Variants in COL6A5 observed in about 807,000 individuals in gnomAD.
COL6A5 encodes collagen type VI alpha 5 chain, also known as collagen alpha-5(VI) chain.
A neutral mutation model predicts 65.6 loss-of-function variants in COL6A5; 48 were observed. That is an observed-to-expected ratio of 0.73 (90% CI 0.58 to 0.93). The LOEUF is 0.93. COL6A5 is among the 40% of genes least tolerant of loss of function. The pLI is 0.00. For synonymous variants in COL6A5, 291 were observed against 322.8 expected, an observed-to-expected ratio of 0.90 and a Z score of 1.05; for missense variants, 914 against 928.3, an observed-to-expected ratio of 0.98 and a Z score of 0.20.
chr3:130,358,147 C>T (rs564925182), intron 1 of COL6A5, among the ~76,000 whole-genome samples: 7 of 152,098 alleles, frequency 4.6e-5, no homozygotes, highest in African/African-American at 1.4e-4. Flanking sequence ...CGAGATTGCA[C>T]CACTGCACTC....
At chr3:130,449,709 C>T (rs1032782948) in intron 4 of COL6A5, among the ~76,000 whole-genome samples, 5 of 152,090 alleles carry the variant, frequency 3.3e-5, no homozygotes, top group African/African-American at 1.2e-4. Flanking sequence ...GCCTTTTCAC[C>T]GCCGGAGCCC....
intron 7 of COL6A5, 129 bp downstream of exon 39, chr3:130,471,096 G>C (rs1344690069): frequency 4.3e-6 from 3 of 690,606 alleles, no homozygotes; most frequent in Non-Finnish European, 7.7e-6. Flanking sequence ...GTGTGTGTGT[G>C]TGTGTTTTAA....
At chr3:130,431,211 G>A (rs889701977), upstream of COL6A5, 10 of 682,540 alleles carry the variant, frequency 1.5e-5, no homozygotes, top group Admixed American at 2.0e-5. Flanking sequence ...ATTTTACACA[G>A]CTGACTGATT....
chr3:130,362,323 TATA>T (rs1215562102), intron 1 of COL6A5, among the ~76,000 whole-genome samples: 2 of 2,842 alleles, frequency 7.0e-4, no homozygotes, highest in African/African-American at 1.8e-3. Flanking sequence ...TATATATATA[TATA>T]TTTTTTTTTT....
exon 1 of COL6A5, chr3:130,345,876 CCGAGAGGCGCGCGTTTACTGCGCT>C: frequency 2.5e-6 from 1 of 398,560 alleles, no homozygotes. Context: ...CCGCGGGCGC[CCGAGAGGCGCGCGTTTACTGCGCT>C]CAGGAGCTCG....
chr3:130,395,238 T>C (rs1477007787), exon 8 of COL6A5: 17 of 1,551,566 alleles, frequency 1.1e-5, no homozygotes, highest in East Asian at 2.4e-5. Context: ...TTGGTTGTTA[T>C]CACATCTGGA....
At chr3:130,402,273 AAAAT>A (rs1936842322) in intron 12 of COL6A5, among the ~76,000 whole-genome samples, 1 of 152,220 alleles carries the variant, frequency 6.6e-6, no homozygotes, top group Non-Finnish European at 1.5e-5. Flanking sequence ...CATCTCCTTA[AAAAT>A]AAATAAACAA....
chr3:130,386,231 G>A (rs1936182117), intron 5 of COL6A5, among the ~76,000 whole-genome samples: 1 of 151,986 alleles, frequency 6.6e-6, no homozygotes, highest in Non-Finnish European at 1.5e-5. Flanking sequence ...GATTAGCCAC[G>A]ACCTTGAATA....
intron 1 of COL6A5, among the ~76,000 whole-genome samples, chr3:130,347,628 A>T (rs1472674516): frequency 6.6e-6 from 1 of 152,176 alleles, no homozygotes; most frequent in Non-Finnish European, 1.5e-5. Flanking sequence ...AGGCTGACAC[A>T]TATGTCTTGT....
exon 26 of COL6A5, chr3:130,421,159 TC>T: frequency 6.4e-7 from 1 of 1,550,622 alleles, no homozygotes; most frequent in Non-Finnish European, 8.7e-7. Flanking sequence ...ACAGGGAGAT[TC>T]TGGCATCCCA....
chr3:130,433,086 G>A (rs1054924775), intron 1 of COL6A5, among the ~76,000 whole-genome samples: 3 of 152,132 alleles, frequency 2.0e-5, no homozygotes, highest in Admixed American at 6.5e-5. Context: ...AACATGGAGA[G>A]AATCAATCTG....
intron 5 of COL6A5, among the ~76,000 whole-genome samples, chr3:130,458,644 G>T (rs1709631409): frequency 6.6e-6 from 1 of 152,108 alleles, no homozygotes; most frequent in South Asian, 2.1e-4. Context: ...AAACAATTGG[G>T]TATCTAGAAT....
Position 130,405,572 on chromosome 3 carries a change from G to A in COL6A5, c.4282-16G>A, listed in dbSNP as rs1289620284. The A allele has an allele frequency of 1.3e-6, 2 of 1,547,758 alleles. No homozygotes were observed. Among genetic ancestry groups the A allele is most frequent in the African/African-American group, 1.4e-5 (1 of 72,892 alleles). On this transcript the variant is annotated splice_polypyrimidine_tract_variant and intron_variant and NMD_transcript_variant, in intron 13 of 41. Coordinates refer to the COL6A5 transcript ENST00000312481. ...AAAACATCACTTTGGGTACCTGTCTGTGCTCCTTTTCTTAGGGAGTACGAG... is the reference window on the plus strand; with the variant it reads ...AAAACATCACTTTGGGTACCTGTCTATGCTCCTTTTCTTAGGGAGTACGAG...
At chr3:130,464,346 T>C (rs1709767680) in intron 5 of COL6A5, among the ~76,000 whole-genome samples, 1 of 151,970 alleles carries the variant, frequency 6.6e-6, no homozygotes, top group Non-Finnish European at 1.5e-5. Context: ...TTGCCCAGGC[T>C]TATTTTGAAC....
chr3:130,397,250 C>T (rs937903751), intron 8 of COL6A5, among the ~76,000 whole-genome samples: 2 of 152,050 alleles, frequency 1.3e-5, no homozygotes, highest in Admixed American at 6.5e-5. Flanking sequence ...CACACACATA[C>T]GACAGAGTCA....
exon 7 of COL6A5, chr3:130,391,635 A>C (rs118182476): frequency 1.3e-6 from 2 of 1,551,662 alleles, no homozygotes; most frequent in Middle Eastern, 1.7e-4. Context: ...AAGGCCAACC[A>C]AAAGGAACTT....
intron 6 of COL6A5, among the ~76,000 whole-genome samples, chr3:130,390,083 C>T (rs986934489): frequency 6.6e-6 from 1 of 152,140 alleles, no homozygotes; most frequent in Admixed American, 6.6e-5. Context: ...TTGGAATTTT[C>T]TTCTTCCCCC....
chr3:130,469,573 T>G, intron 6 of COL6A5, 92 bp downstream of exon 38: 1 of 1,048,248 alleles, frequency 9.5e-7, no homozygotes, highest in Non-Finnish European at 1.4e-6. Flanking sequence ...GATCCTCACT[T>G]CAGTTAAGAG....
At position 130,389,139 on chromosome 3, in the gene COL6A5, G is replaced by C. The variant is rs569436811; in HGVS notation, c.2416+5G>C. The C allele has an allele frequency of 1.3e-4, 180 of 1,411,318 alleles. No homozygotes were observed. The highest frequency in any genetic ancestry group is 5.9e-4 in the South Asian group (32 of 54,464). The allele number at this position is 1,411,318 out of a possible 1,614,324, so 87.4% of individuals were successfully genotyped here. On this transcript the variant is annotated splice_donor_5th_base_variant and intron_variant and NMD_transcript_variant, in intron 6 of 41. Transcript: ENST00000312481. ...TTCGTGTGTGTGCTCTCCATGGTAAGTGTCCCTGTTATCTGTCAGGACTAA... is the reference window on the plus strand; with the variant it reads ...TTCGTGTGTGTGCTCTCCATGGTAACTGTCCCTGTTATCTGTCAGGACTAA...
Sources: allele counts gnomAD v4.1 joint callset (sites outside exome capture counted in the v4.1 genomes callset), GRCh38; gene constraint gnomAD v4.1.1; transcripts MANE v1.5; gene names NCBI Gene and HGNC (gene_info 2026-07-23, HGNC 2026-07-21).